The following CALD1 variants were observed in gnomAD, a reference collection of about 807,000 sequenced individuals.
CALD1 encodes the protein caldesmon.
CALD1 carries 33 observed loss-of-function variants against 99.9 expected under a neutral mutation model. The ratio of observed to expected loss-of-function variants is 0.33; its 90% CI spans 0.25 to 0.44. CALD1 has a LOEUF of 0.44. CALD1 is among the 20% of genes least tolerant of loss of function. The probability of loss-of-function intolerance (pLI) is 1.00; values close to 1 mark genes in which losing one functional copy is unlikely to be tolerated. For synonymous variants in CALD1, 310 were observed against 325.0 expected (o/e 0.95, Z 0.50); for missense variants, 861 against 962.1 (o/e 0.89, Z 1.39).
intron 2 of CALD1, among the ~76,000 whole-genome samples, chr7:134,851,016 C>A (rs966911374): frequency 2.0e-5 from 3 of 152,208 alleles, no homozygotes; most frequent in African/African-American, 7.2e-5. Context: ...GCCTCCCCAG[C>A]CACGTGGAAC....
chr7:134,940,018 G>C (rs1584625061), intron 6 of CALD1, among the ~76,000 whole-genome samples: 1 of 152,022 alleles, frequency 6.6e-6, no homozygotes, highest in East Asian at 1.9e-4. Flanking sequence ...CTGAAGAATA[G>C]GTGAGAAGAG....
At chr7:134,871,006 T>A (rs1189097530) in intron 3 of CALD1, among the ~76,000 whole-genome samples, 3 of 152,170 alleles carry the variant, frequency 2.0e-5, no homozygotes, top group African/African-American at 7.2e-5. Context: ...CAAGGCCATC[T>A]AAAATCATGG....
intron 1 of CALD1, among the ~76,000 whole-genome samples, chr7:134,815,862 GA>G (rs1413825851): frequency 6.6e-6 from 1 of 152,094 alleles, no homozygotes; most frequent in Non-Finnish European, 1.5e-5. Context: ...TCTATCCTTT[GA>G]AAAACAAAGC....
intron 3 of CALD1, among the ~76,000 whole-genome samples, chr7:134,908,861 G>A (rs1035899984): frequency 4.6e-5 from 7 of 152,082 alleles, no homozygotes; most frequent in African/African-American, 1.4e-4. Flanking sequence ...TTCCTCCCAA[G>A]TTGGTAGATT....
intron 13 of CALD1, among the ~76,000 whole-genome samples, chr7:134,963,642 T>A (rs967554495): frequency 6.6e-5 from 10 of 152,342 alleles, no homozygotes; most frequent in Admixed American, 6.5e-4. Flanking sequence ...AAACAGAAAT[T>A]TGGATCCTTA....
chr7:134,715,770 G>A, the CALD1 span, among the ~76,000 whole-genome samples: 5 of 152,270 alleles, frequency 3.3e-5, no homozygotes, highest in Admixed American at 2.0e-4. Flanking sequence ...CAGGTCGAAG[G>A]CCAGTCAATG....
chr7:134,782,174 TC>T (rs1266865417), intron 1 of CALD1, among the ~76,000 whole-genome samples: 5 of 152,348 alleles, frequency 3.3e-5, no homozygotes, highest in African/African-American at 1.2e-4. Context: ...CAAAAGTGAT[TC>T]AGAGATGGGC....
At chr7:134,730,919 TCCTACC>T in the CALD1 span, among the ~76,000 whole-genome samples, 2 of 152,036 alleles carry the variant, frequency 1.3e-5, no homozygotes. Context: ...ACCCCACCTA[TCCTACC>T]TCATTGTTCA....
intron 1 of CALD1, among the ~76,000 whole-genome samples, chr7:134,814,553 C>T (rs953361053): frequency 4.6e-5 from 7 of 152,162 alleles, no homozygotes; most frequent in Non-Finnish European, 8.8e-5. Flanking sequence ...CTTTCCCTTT[C>T]TACTGAGGTT....
intron 3 of CALD1, among the ~76,000 whole-genome samples, chr7:134,915,882 C>G (rs1804167799): frequency 6.6e-6 from 1 of 152,096 alleles, no homozygotes; most frequent in Admixed American, 6.6e-5. Context: ...TTGAGCAGGC[C>G]CTGTGTTAAG....
At chr7:134,739,130 C>T in the CALD1 span, among the ~76,000 whole-genome samples, 2 of 152,118 alleles carry the variant, frequency 1.3e-5, no homozygotes, top group African/African-American at 4.8e-5. Context: ...CAGAGCTTTA[C>T]TTTGAATGGT....
intron 9 of CALD1, among the ~76,000 whole-genome samples, chr7:134,952,572 G>A (rs577611263): frequency 6.6e-6 from 1 of 151,590 alleles, no homozygotes; most frequent in East Asian, 2.0e-4. Flanking sequence ...CCAGGTTCAA[G>A]CGATTCTTCT....
intron 3 of CALD1, among the ~76,000 whole-genome samples, chr7:134,923,568 T>A (rs117979548): frequency 7.2e-5 from 11 of 152,378 alleles, no homozygotes; most frequent in Non-Finnish European, 1.3e-4. Context: ...TATGCTTTTA[T>A]TACAATCCAG....
Position 134,962,979 on chromosome 7 carries a change from T to C in CALD1, c.2296-2327T>C, listed in dbSNP as rs553603258. ...CCCTTTGATTTAAAATGCCAACTTA[T>C]AACTCAGATGTTCATATTTTCTTAA... On this transcript the variant is annotated intron_variant, in intron 13 of 14. Transcript: ENST00000361675. The C allele has an allele frequency of 4.7e-4, 216 of 454,806 alleles. 2 individuals are homozygous for C. The highest frequency in any genetic ancestry group is 3.3e-3 in the South Asian group (211 of 64,238). The allele number at this position is 454,806 out of a possible 1,614,324, so 28.2% of individuals were successfully genotyped here.
intron 1 of CALD1, among the ~76,000 whole-genome samples, chr7:134,837,591 C>T (rs538479558): frequency 4.6e-5 from 7 of 152,300 alleles, no homozygotes; most frequent in South Asian, 2.1e-4. Flanking sequence ...TTGTGATCTG[C>T]CTGCCTCGGC....
intron 3 of CALD1, among the ~76,000 whole-genome samples, chr7:134,883,769 T>C (rs1026260532): frequency 3.3e-5 from 5 of 152,208 alleles, no homozygotes; most frequent in African/African-American, 1.2e-4. Flanking sequence ...TTTGAACAAG[T>C]GGAGTCCAAC....
Position 134,767,011 on chromosome 7 carries a change from C to T in CALD1, c.-130+22648C>T, listed in dbSNP as rs115685950. On this transcript the variant is annotated intron_variant, in intron 1 of 13. Coordinates refer to the CALD1 transcript ENST00000417172. Reference sequence around the variant, plus strand: ...AAGAGTCAGTCAAAGGTATTTTCACCCCAACCCTTGGACATGTTTACAGAC... The same window carrying T: ...AAGAGTCAGTCAAAGGTATTTTCACTCCAACCCTTGGACATGTTTACAGAC... Among the ~76,000 whole-genome samples, 1,362 of 152,164 alleles carry T rather than the reference C, an allele frequency of 9.0e-3. 24 individuals are homozygous for T. The highest frequency in any genetic ancestry group is 0.031 in the African/African-American group (1,267 of 41,510).
chr7:134,933,573 G>C lies in CALD1; in HGVS notation c.804G>C (p.Glu268Asp). 6.2e-7 allele frequency: 1 copy of C among 1,613,638 alleles called. No homozygotes were observed. The highest frequency in any genetic ancestry group is 8.5e-7 in the Non-Finnish European group (1 of 1,179,790). ...AAGACAAGGAAAGAGCTGAGGCAGA[G>C]AGGGCAAGGTTGGAAGCAGAAGAAA... ...EEEDKERAEAERARLEAEERE... is the reference protein window; with the variant it reads ...EEEDKERAEADRARLEAEERE... The change falls in exon 5 of 15, where the codon GAG becomes GAC. Residue 268 changes from glutamate (E) to aspartate (D), a missense_variant. By Grantham distance (45) the Glu-to-Asp change is conservative. Around this residue, in one of 5 missense-constraint regions of CALD1, gnomAD observed 234 missense variants for 233.1 expected, o/e 1.00. Coordinates refer to ENST00000361675, the MANE Select transcript of CALD1 (RefSeq NM_033138.4).
chr7:134,849,800 C>A (rs1800002962), intron 2 of CALD1, among the ~76,000 whole-genome samples: 1 of 152,090 alleles, frequency 6.6e-6, no homozygotes, highest in Non-Finnish European at 1.5e-5. Flanking sequence ...AGAGTTTAAG[C>A]CGCAGGGCCT....
Sources: allele counts gnomAD v4.1 joint callset (sites outside exome capture counted in the v4.1 genomes callset), GRCh38; gene constraint gnomAD v4.1.1; regional missense constraint gnomAD v4.1.1; transcripts MANE v1.5; gene names NCBI Gene and HGNC (gene_info 2026-07-23, HGNC 2026-07-21).